ADGRV1: variants seen among roughly 807,000 people sequenced by gnomAD.
ADGRV1 encodes adhesion G protein-coupled receptor V1, also known as G-protein coupled receptor 98.
Under a neutral mutation model 596.2 loss-of-function variants are expected in ADGRV1, and 359 were observed. The ratio of observed to expected loss-of-function variants is 0.60; its 90% CI spans 0.55 to 0.66. ADGRV1 has a LOEUF of 0.66. Among genes scored for constraint, ADGRV1 ranks in the 30% least tolerant of loss-of-function variants. The pLI, the probability that ADGRV1 is intolerant of heterozygous loss-of-function variation, is 0.00. For synonymous variants in ADGRV1, 2,681 were observed against 2,679.2 expected, an observed-to-expected ratio of 1.00 and a Z score of -0.02; for missense variants, 7,274 against 7,575.6, an observed-to-expected ratio of 0.96 and a Z score of 1.48.
chr5:90,703,567 C>T, intron 34 of ADGRV1, 98 bp from the exon 35 acceptor site: 1 of 780,464 alleles, frequency 1.3e-6, no homozygotes, highest in South Asian at 1.9e-5. Flanking sequence ...GGGAAAGGTG[C>T]TGTAATAGTT....
intron 2 of ADGRV1, among the ~76,000 whole-genome samples, chr5:90,616,614 G>T (rs918306159): frequency 3.9e-5 from 6 of 151,938 alleles, no homozygotes; most frequent in African/African-American, 1.4e-4. Flanking sequence ...TATTTTGGGG[G>T]TATATGTGAT....
At chr5:90,634,500 A>G (rs1446955224) in intron 9 of ADGRV1, among the ~76,000 whole-genome samples, 2 of 152,224 alleles carry the variant, frequency 1.3e-5, no homozygotes, top group East Asian at 3.8e-4. Flanking sequence ...AGTTCTTTAA[A>G]TGTAAAGATG....
intron 86 of ADGRV1, among the ~76,000 whole-genome samples, chr5:91,095,623 C>T (rs1226563233): frequency 6.6e-6 from 1 of 152,014 alleles, no homozygotes; most frequent in Non-Finnish European, 1.5e-5. Flanking sequence ...AGAAAATATT[C>T]AGATCACGGA....
At position 90,810,450 on chromosome 5, in the gene ADGRV1, T is replaced by C; in HGVS notation, c.15190T>C (p.Phe5064Leu). 1 of 1,613,888 alleles carries C rather than the reference T, an allele frequency of 6.2e-7. No homozygotes were observed. Among genetic ancestry groups the C allele is most frequent in the Non-Finnish European group, 8.5e-7 (1 of 1,179,810 alleles). The change falls in exon 74 of 90, where the codon TTT becomes CTT. Residue 5064 changes from phenylalanine to leucine, a missense_variant. Physicochemically the swap from Phe to Leu is conservative, Grantham distance 22. This residue lies in a region of ADGRV1 where 1,874 missense variants were observed against 1,970.2 expected (regional missense o/e 0.95). Transcript: ENST00000405460. The stretch of plus-strand genomic sequence containing the variant: ...TGAGCCTGTTCAGAATGGGGAACTG[T>C]TTTTTCAAAAATTCCAAACTGAGGT... ...DFEPVQNGELFFQKFQTEVDF... is the reference protein window; with the variant it reads ...DFEPVQNGELLFQKFQTEVDF...
chr5:90,568,756 A>T (rs981186104), intron 1 of ADGRV1, among the ~76,000 whole-genome samples: 1 of 152,006 alleles, frequency 6.6e-6, no homozygotes, highest in African/African-American at 2.4e-5. Context: ...TTTCCCCTCA[A>T]TTTGGTCAGT....
intron 34 of ADGRV1, among the ~76,000 whole-genome samples, chr5:90,703,118 T>G (rs968950314): frequency 1.3e-5 from 2 of 152,092 alleles, no homozygotes; most frequent in Non-Finnish European, 2.9e-5. Context: ...AAGTTACAGA[T>G]GTTGATGTAC....
At chr5:90,883,779 T>C (rs1479198774) in intron 83 of ADGRV1, among the ~76,000 whole-genome samples, 3 of 152,188 alleles carry the variant, frequency 2.0e-5, no homozygotes, top group Non-Finnish European at 4.4e-5. Flanking sequence ...CTTACGGGAC[T>C]GTGGCATGGA....
intron 21 of ADGRV1, among the ~76,000 whole-genome samples, chr5:90,658,940 A>G (rs1331419871): frequency 2.0e-5 from 3 of 152,216 alleles, no homozygotes; most frequent in Admixed American, 6.5e-5. Context: ...ATGCCAAGGA[A>G]CAAGAGTCTT....
In ADGRV1 at chr5:90,933,091, A is replaced by G. The variant is rs183530606; in HGVS notation, c.17857-32324A>G. ...AAAAGCATGATTTCTCAAATTTTTT[A>G]ATCTCAGAGCTTGAGACCTGGTCCC... On this transcript the variant is annotated intron_variant, in intron 83 of 89. Transcript: ENST00000405460. Among the ~76,000 whole-genome samples the G allele has an allele frequency of 1.6e-3, 246 of 152,324 alleles. 2 individuals are homozygous for G. Among genetic ancestry groups the G allele is most frequent in the South Asian group, 0.013 (64 of 4,834 alleles).
chr5:91,080,602 A>AC, intron 86 of ADGRV1, among the ~76,000 whole-genome samples: 1 of 151,768 alleles, frequency 6.6e-6, no homozygotes, highest in East Asian at 1.9e-4. Flanking sequence ...AAAAAAAAAA[A>AC]AAAAAAAAAC....
chr5:90,642,630 C>T lies in ADGRV1; in HGVS notation c.2241-6C>T. ...CGGGTGCCATTTGTCTCTCTGACTT[C>T]TCTAGGGTTAACGTGGAAAACCAAG... On this transcript the variant is annotated splice_region_variant and splice_polypyrimidine_tract_variant and intron_variant, in intron 11 of 89. Coordinates refer to ENST00000405460, the MANE Select transcript of ADGRV1 (RefSeq NM_032119.4). 6.2e-7 allele frequency: 1 copy of T among 1,612,034 alleles called. No individual in the cohort carries two copies. The highest frequency in any genetic ancestry group is 1.3e-5 in the African/African-American group (1 of 74,888).
At chr5:91,060,082 A>T (rs1787266472) in intron 85 of ADGRV1, among the ~76,000 whole-genome samples, 1 of 152,214 alleles carries the variant, frequency 6.6e-6, no homozygotes, top group Admixed American at 6.5e-5. Flanking sequence ...TGAGTATTGG[A>T]TTTGAGACAT....
chr5:90,939,669 C>A (rs1235562438), intron 83 of ADGRV1, among the ~76,000 whole-genome samples: 1 of 152,100 alleles, frequency 6.6e-6, no homozygotes, highest in African/African-American at 2.4e-5. Context: ...TCATAAACAA[C>A]CTTTTAGGGG....
intron 85 of ADGRV1, among the ~76,000 whole-genome samples, chr5:91,014,176 C>CACACACACACAAACACACACACACA (rs56292568): frequency 8.1e-6 from 1 of 124,076 alleles, no homozygotes; most frequent in African/African-American, 3.2e-5. Flanking sequence ...ACACACACAC[C>CACACACACACAAACACACACACACA]CCTAGACATA....
intron 85 of ADGRV1, among the ~76,000 whole-genome samples, chr5:91,049,640 A>G (rs1786137280): frequency 6.6e-6 from 1 of 152,236 alleles, no homozygotes; most frequent in Admixed American, 6.5e-5. Context: ...GTGTTTAGGC[A>G]AACACTGGGA....
At chr5:91,131,588 T>C (rs1794223283) in intron 87 of ADGRV1, among the ~76,000 whole-genome samples, 2 of 152,138 alleles carry the variant, frequency 1.3e-5, no homozygotes, top group African/African-American at 4.8e-5. Flanking sequence ...GTAGCTGGGA[T>C]TACAGGCATG....
intron 83 of ADGRV1, among the ~76,000 whole-genome samples, chr5:90,951,929 A>G (rs866667164): frequency 6.6e-6 from 1 of 152,178 alleles, no homozygotes; most frequent in Non-Finnish European, 1.5e-5. Flanking sequence ...TTTCCAGACA[A>G]TAGCTAAATT....
chr5:90,630,818 A>G (rs1765401820), intron 9 of ADGRV1, among the ~76,000 whole-genome samples: 1 of 152,054 alleles, frequency 6.6e-6, no homozygotes, highest in African/African-American at 2.4e-5. Flanking sequence ...TCTTCACTAT[A>G]TTATTGAGAT....
intron 84 of ADGRV1, among the ~76,000 whole-genome samples, chr5:90,982,118 C>G (rs923758998): frequency 6.6e-6 from 1 of 152,136 alleles, no homozygotes; most frequent in African/African-American, 2.4e-5. Flanking sequence ...ATAATCATCT[C>G]ACTTGTTCTT....
Sources: gnomAD v4.1 joint callset for allele counts (sites outside exome capture counted in the v4.1 genomes callset) on GRCh38, gnomAD v4.1.1 for gene constraint, gnomAD v4.1.1 regional missense constraint, MANE v1.5 for transcripts, NCBI Gene and HGNC (gene_info 2026-07-23, HGNC 2026-07-21) for gene names.